The following SYNE1 variants were observed in gnomAD, a reference collection of about 807,000 sequenced individuals.
SYNE1 encodes the protein spectrin repeat containing nuclear envelope protein 1, also known as nesprin-1.
SYNE1 carries 616 observed loss-of-function variants against 1,111.0 expected under a neutral mutation model. The observed-to-expected ratio is 0.55, with a 90% CI of 0.52 to 0.59. SYNE1 has a LOEUF of 0.59. Ranked by LOEUF, SYNE1 falls within the 20% of genes least tolerant of loss-of-function variation. The pLI, the probability that SYNE1 is intolerant of heterozygous loss-of-function variation, is 0.00. For synonymous variants in SYNE1, 3,855 were observed against 3,825.8 expected (o/e 1.01, Z -0.28); for missense variants, 10,006 against 10,417.0 (o/e 0.96, Z 1.72).
rs1164821383 is a variant in SYNE1 at position 152,236,845 on chromosome 6, C to T, written c.20171G>A (p.Arg6724Lys). Residue 6724 changes from arginine to lysine, a missense_variant, in exon 109 of 146, where the codon AGG (arginine) becomes AAG (lysine). Arg to Lys is a conservative substitution (Grantham distance 26). Transcript: ENST00000367255. ...GTAGAGTGTTATGCGGTCAATAAGCCTGTCCTCGTTCTCCTCCACCAGACC... is the reference window on the plus strand; with the variant it reads ...GTAGAGTGTTATGCGGTCAATAAGCTTGTCCTCGTTCTCCTCCACCAGACC... The part of the protein sequence containing the change: ...SVGLVEENED[R>K]LIDRITLYQH... 3 of 1,614,174 alleles carry T rather than the reference C, an allele frequency of 1.9e-6. No homozygotes were observed. The Admixed American group carries it at 5.0e-5, about 27-fold the overall frequency.
intron 6 of SYNE1, among the ~76,000 whole-genome samples, chr6:152,512,322 T>C (rs1353955886): frequency 6.6e-6 from 1 of 152,156 alleles, no homozygotes; most frequent in Non-Finnish European, 1.5e-5. Flanking sequence ...CTTGTATATC[T>C]ACTTCCTTTG....
chr6:152,619,508 C>G (rs1328780412), intron 3 of SYNE1, among the ~76,000 whole-genome samples: 1 of 152,118 alleles, frequency 6.6e-6, no homozygotes, highest in Non-Finnish European at 1.5e-5. Flanking sequence ...CATACTTTCT[C>G]TTTTCTTTTC....
chr6:152,232,234 GC>G lies in SYNE1; in HGVS notation c.20743del (p.Ala6915ProfsTer6), dbSNP rs752808558. 6.2e-7 allele frequency: 1 copy of G among 1,613,904 alleles called. No homozygotes were observed. Among genetic ancestry groups the G allele is most frequent in the South Asian group, 1.1e-5 (1 of 91,076 alleles). On this transcript the variant is annotated frameshift_variant, in exon 113 of 146. Coordinates refer to ENST00000367255, the MANE Select transcript of SYNE1 (RefSeq NM_182961.4). LOFTEE classifies it high-confidence loss of function. ...LQMDKLPSRH[A>X]ISEVMSWISL... ...AATCCAACTCATGACTTCAGAAATGGCATGGCGGGAAGGCAGTTTATCCATC... is the reference window on the plus strand; with the variant it reads ...AATCCAACTCATGACTTCAGAAATGGATGGCGGGAAGGCAGTTTATCCATC...
At chr6:152,327,280 C>T (rs201208225) in intron 78 of SYNE1, among the ~76,000 whole-genome samples, 2 of 126,882 alleles carry the variant, frequency 1.6e-5, no homozygotes, top group African/African-American at 5.5e-5. Context: ...TCTCAAAAAA[C>T]AAACAAACAA....
At chr6:152,424,315 A>G (rs1422343897) in intron 39 of SYNE1, among the ~76,000 whole-genome samples, 1 of 152,218 alleles carries the variant, frequency 6.6e-6, no homozygotes, top group African/African-American at 2.4e-5. Flanking sequence ...TCTACACATT[A>G]TCCTTATATG....
intron 109 of SYNE1, among the ~76,000 whole-genome samples, 191 bp downstream of exon 109, chr6:152,236,626 T>TA (rs1020067928): frequency 4.8e-4 from 72 of 151,306 alleles, no homozygotes; most frequent in African/African-American, 1.7e-3. Context: ...GAGCTCTCAG[T>TA]AAAAAAAAGA....
intron 91 of SYNE1, among the ~76,000 whole-genome samples, chr6:152,304,778 T>C (rs1041999757): frequency 2.0e-5 from 3 of 152,196 alleles, no homozygotes; most frequent in African/African-American, 7.2e-5. Context: ...TTCTCAACCT[T>C]ATTGTGTACA....
Position 152,323,647 on chromosome 6 carries a change from G to A in SYNE1, c.15748C>T (p.Leu5250Phe). The change falls in exon 82 of 146, where the codon CTT becomes TTT. Residue 5250 changes from leucine to phenylalanine, a missense_variant. Around this residue, in one of 7 missense-constraint regions of SYNE1, gnomAD observed 4,955 missense variants for 5,017.2 expected, o/e 0.99. Coordinates refer to ENST00000367255, the MANE Select transcript of SYNE1 (RefSeq NM_182961.4). ...EKASKAELLT[L>F]LEYHDTFVLE... ...ACGAACGTGTCGTGGTATTCAAGAA[G>A]AGTTAAGAGCTCTGCTTTCGATGCT... The A allele has an allele frequency of 6.2e-7, 1 of 1,614,236 alleles. No individual in the cohort carries two copies. The highest frequency in any genetic ancestry group is 1.7e-5 in the Admixed American group (1 of 60,030).
intron 3 of SYNE1, among the ~76,000 whole-genome samples, chr6:152,590,244 C>G (rs1450450982): frequency 1.3e-5 from 2 of 151,542 alleles, no homozygotes; most frequent in African/African-American, 2.4e-5. Context: ...AAAATTATGT[C>G]TTATTACTAT....
intron 47 of SYNE1, 70 bp from the exon 48 acceptor site, chr6:152,399,893 G>T (rs896998461): frequency 5.6e-5 from 85 of 1,523,870 alleles, no homozygotes; most frequent in African/African-American, 1.4e-5. Context: ...CTTCACTATG[G>T]TACTGTTTTA....
At chr6:152,125,364 G>A (rs1292472658) in intron 145 of SYNE1, 4 of 1,549,306 alleles carry the variant, frequency 2.6e-6, no homozygotes, top group Non-Finnish European at 3.5e-6. Flanking sequence ...CTGGTCATAA[G>A]GCCTCACAGT....
chr6:152,489,312 C>G (rs1230645047), intron 11 of SYNE1, among the ~76,000 whole-genome samples: 2 of 152,222 alleles, frequency 1.3e-5, no homozygotes, highest in African/African-American at 4.8e-5. Flanking sequence ...TCACTTGCTG[C>G]TGACAGTGCT....
Position 152,277,400 on chromosome 6 carries a change from C to A in SYNE1, c.18573+689G>T, listed in dbSNP as rs141254144. 368 of 151,016 alleles carry A rather than the reference C, an allele frequency of 2.4e-3. 13 individuals carry two copies. The East Asian group carries it at 0.063, about 26-fold the overall frequency. 9.4% of individuals were successfully genotyped at this position (151,016 alleles called of 1,614,324 possible). ...TCAAGCAATTCTCCTGCCTCAGCCTCCCGAGTAACTGAGATTACAGGTGTC... is the reference window on the plus strand; with the variant it reads ...TCAAGCAATTCTCCTGCCTCAGCCTACCGAGTAACTGAGATTACAGGTGTC... On this transcript the variant is annotated intron_variant, in intron 98 of 145. Transcript: ENST00000367255.
At chr6:152,337,110 A>G (rs1256085169) in intron 75 of SYNE1, 93 bp from the exon 76 acceptor site, 12 of 1,265,308 alleles carry the variant, frequency 9.5e-6, no homozygotes, top group Non-Finnish European at 1.3e-5. Flanking sequence ...TGGCCTGTGC[A>G]CTCATTTGAC....
At chr6:152,458,651 A>G (rs952998099) in intron 22 of SYNE1, 106 bp downstream of exon 22, 2 of 1,244,206 alleles carry the variant, frequency 1.6e-6, no homozygotes, top group Admixed American at 3.7e-5. Context: ...GTACTATTCT[A>G]GAAAAATGTT....
Position 152,530,468 on chromosome 6 carries a change from G to GTT in SYNE1, c.130-4295_130-4294dup, listed in dbSNP as rs71017540. Among the ~76,000 whole-genome samples, 857 of 137,396 alleles carry GTT rather than the reference G, an allele frequency of 6.2e-3. 6 individuals carry two copies. The highest frequency in any genetic ancestry group is 0.018 in the African/African-American group (658 of 36,744). The allele number at this position is 137,396 out of a possible 152,430, so 90.1% of individuals were successfully genotyped here. On this transcript the variant is annotated intron_variant, in intron 4 of 145. Coordinates refer to ENST00000367255, the MANE Select transcript of SYNE1 (RefSeq NM_182961.4). ...ATCTTCAGAAGAACCTAATTGTATG[G>GTT]TTTTTTTTTTTTTTTTTTTACTAAA...
chr6:152,417,362 G>A (rs1042713668), intron 40 of SYNE1, among the ~76,000 whole-genome samples: 3 of 152,134 alleles, frequency 2.0e-5, no homozygotes, highest in Admixed American at 6.5e-5. Context: ...TCCAGGCGTG[G>A]TGGTGGGCGC....
intron 100 of SYNE1, among the ~76,000 whole-genome samples, chr6:152,264,894 T>C (rs1031401283): frequency 2.6e-5 from 4 of 151,846 alleles, no homozygotes; most frequent in African/African-American, 9.7e-5. Context: ...ATGTAGGAAG[T>C]TAATTTAAAC....
At position 152,391,588 on chromosome 6, in the gene SYNE1, A is replaced by AAAAAAG; in HGVS notation, c.7713-21_7713-20insCTTTTT. The stretch of plus-strand genomic sequence containing the variant: ...GACTCTCTGAAAAAAAGGAAAAAAA[A>AAAAAAG]AAAAAAGAAAAAAAATTAATTCTGA... On this transcript the variant is annotated intron_variant, in intron 51 of 145. Coordinates refer to ENST00000367255, the MANE Select transcript of SYNE1 (RefSeq NM_182961.4). 1 of 1,558,196 alleles carries AAAAAAG rather than the reference A, an allele frequency of 6.4e-7. No homozygotes were observed. Among genetic ancestry groups the AAAAAAG allele is most frequent in the Non-Finnish European group, 8.6e-7 (1 of 1,161,348 alleles).
Sources: gnomAD v4.1 joint callset for allele counts (sites outside exome capture counted in the v4.1 genomes callset) on GRCh38, gnomAD v4.1.1 for gene constraint, gnomAD v4.1.1 regional missense constraint, MANE v1.5 for transcripts, NCBI Gene and HGNC (gene_info 2026-07-23, HGNC 2026-07-21) for gene names.